Variants in CCND3 observed in about 807,000 individuals in gnomAD.
CCND3 encodes G1/S-specific cyclin-D3.
Under a neutral mutation model 28.7 loss-of-function variants are expected in CCND3, and 9 were observed. The observed-to-expected ratio is 0.31, with a 90% CI of 0.19 to 0.55. The LOEUF is 0.55. CCND3 is among the 20% of genes least tolerant of loss of function. The pLI is 0.93. For synonymous variants in CCND3, 164 were observed against 163.9 expected (o/e 1.00, Z 0.00); for missense variants, 315 against 385.8 (o/e 0.82, Z 1.54).
intron 1 of CCND3, among the ~76,000 whole-genome samples, chr6:41,988,029 A>C (rs1762537211): frequency 6.6e-6 from 1 of 151,878 alleles, no homozygotes; most frequent in Non-Finnish European, 1.5e-5. Context: ...AAAATAATTA[A>C]AACAGACCAG....
intron 1 of CCND3, among the ~76,000 whole-genome samples, chr6:42,028,968 A>C (rs1582180686): frequency 1.6e-5 from 2 of 126,732 alleles, no homozygotes; most frequent in African/African-American, 3.2e-5. Flanking sequence ...CCACCTTGAA[A>C]CGGTTTTTTT....
At chr6:41,943,864 T>A (rs1430891192), upstream of CCND3, among the ~76,000 whole-genome samples, 1 of 152,232 alleles carries the variant, frequency 6.6e-6, no homozygotes, top group Non-Finnish European at 1.5e-5. Context: ...CCCATTCATG[T>A]CCTTAGCTTA....
chr6:41,987,042 C>G (rs1227249933), intron 1 of CCND3, among the ~76,000 whole-genome samples: 1 of 152,040 alleles, frequency 6.6e-6, no homozygotes, highest in Non-Finnish European at 1.5e-5. Context: ...CATTACTATT[C>G]TGTGTAAATT....
rs192847114 is a variant in CCND3 at position 42,019,504 on chromosome 6, A to G, written c.-46+28997T>C. On this transcript the variant is annotated intron_variant, in intron 1 of 4. Coordinates refer to the CCND3 transcript ENST00000372988. ...ACTCTGTCTCAAAAAAAAAAAAAAA[A>G]AAAAGGAAAGGAAATATAACACCAG... is the stretch of plus-strand genomic sequence containing the variant. Among the ~76,000 whole-genome samples the G allele has an allele frequency of 7.7e-3, 1,164 of 151,152 alleles. 31 individuals are homozygous for G. The highest frequency in any genetic ancestry group is 0.054 in the Admixed American group (804 of 14,884).
intron 1 of CCND3, among the ~76,000 whole-genome samples, chr6:41,949,588 G>A (rs1364526028): frequency 4.6e-5 from 7 of 151,638 alleles, no homozygotes; most frequent in East Asian, 3.9e-4. Flanking sequence ...GCGAGACTCC[G>A]TCTCAAAACA....
chr6:41,989,212 A>G (rs1762581482), intron 1 of CCND3, among the ~76,000 whole-genome samples: 1 of 152,168 alleles, frequency 6.6e-6, no homozygotes, highest in African/African-American at 2.4e-5. Context: ...TAATCCCAAG[A>G]CTTTGGGAGG....
intron 1 of CCND3, among the ~76,000 whole-genome samples, chr6:42,031,792 A>G (rs1764051165): frequency 6.7e-6 from 1 of 149,790 alleles, no homozygotes; most frequent in Non-Finnish European, 1.5e-5. Context: ...TCATGTTACC[A>G]CATATATTTT....
intron 1 of CCND3, among the ~76,000 whole-genome samples, chr6:41,981,153 G>C (rs1762335295): frequency 1.3e-5 from 2 of 151,998 alleles, no homozygotes; most frequent in South Asian, 4.2e-4. Flanking sequence ...AATCCTTCTG[G>C]GACTAATAAG....
At chr6:42,019,491 A>AT (rs1443349492) in intron 1 of CCND3, among the ~76,000 whole-genome samples, 1 of 149,312 alleles carries the variant, frequency 6.7e-6, no homozygotes, top group African/African-American at 2.4e-5. Context: ...TCTGTCTCAA[A>AT]AAAAAAAAAA....
chr6:42,042,636 A>G (rs538274039), intron 1 of CCND3, among the ~76,000 whole-genome samples: 2 of 152,124 alleles, frequency 1.3e-5, no homozygotes, highest in Non-Finnish European at 2.9e-5. Context: ...CTGGGATTAC[A>G]TGAATGAGCA....
intron 1 of CCND3, among the ~76,000 whole-genome samples, chr6:42,007,878 G>A (rs1404891890): frequency 6.6e-6 from 1 of 152,064 alleles, no homozygotes; most frequent in Non-Finnish European, 1.5e-5. Context: ...TGTTGAAGAA[G>A]TGGAGACAGC....
rs373342748 is a variant in CCND3, at chr6:42,029,828, ACT to A, written c.-46+18671_-46+18672del. On this transcript the variant is annotated intron_variant, in intron 1 of 4. Transcript: ENST00000372988. ...CTCCAGCCTGGGCGACAAGAGTGAA[ACT>A]CTGTCTCAAAAAAAAAAAAAAAAAA... Among the ~76,000 whole-genome samples, 4 of 133,046 alleles carry A rather than the reference ACT, an allele frequency of 3.0e-5. No individual in the cohort carries two copies. In the South Asian group the frequency reaches 9.7e-4, roughly 32 times the overall value. The allele number at this position is 133,046 out of a possible 152,430, so 87.3% of individuals were successfully genotyped here. A position where few individuals can be genotyped will look rare whatever the true frequency, so the allele number is the denominator to read the frequency against.
chr6:41,999,632 C>T (rs1219397917), intron 1 of CCND3, among the ~76,000 whole-genome samples: 1 of 152,116 alleles, frequency 6.6e-6, no homozygotes, highest in African/African-American at 2.4e-5. Flanking sequence ...TCATGGCTCA[C>T]ACCTATAATC....
chr6:41,946,347 A>G (rs1417795146), upstream of CCND3, among the ~76,000 whole-genome samples: 1 of 152,008 alleles, frequency 6.6e-6, no homozygotes, highest in Non-Finnish European at 1.5e-5. Flanking sequence ...CTGTAATCCT[A>G]GCACGTTGGG....
Position 41,936,652 on chromosome 6 carries a change from G to T in CCND3, c.618C>A (p.Gly206=). Residue 206 remains glycine (G), a synonymous_variant, in exon 4 of 5, where the codon GGC becomes GGA. Coordinates refer to ENST00000372991, the MANE Select transcript of CCND3 (RefSeq NM_001760.5). This position sits in a 1 kb window ranked among gnomAD's most constrained non-coding sequence, Gnocchi z 4.4. ...GGCCTTGCACTGCAGCCCCAATGCT[G>T]CCCGTGGCGATCATGGATGGCGGGT... ...AMYPPSMIAT[G]SIGAAVQGLG... The T allele has an allele frequency of 1.9e-6, 3 of 1,614,156 alleles. No individual in the cohort carries two copies. The highest frequency in any genetic ancestry group is 2.5e-6 in the Non-Finnish European group (3 of 1,180,012).
At chr6:42,004,440 ACT>A (rs1421666850) in intron 1 of CCND3, among the ~76,000 whole-genome samples, 2 of 152,014 alleles carry the variant, frequency 1.3e-5, no homozygotes, top group African/African-American at 4.8e-5. Flanking sequence ...ATACAGAATA[ACT>A]CTATTTATGG....
Position 41,941,327 on chromosome 6 carries a change from G to T in CCND3, c.198+125C>A. ...CGTGGGTGCCCTAGTGAAAGGCCAG[G>T]CCCCGGGAGTCTTAGCCTCGGAGCA... On this transcript the variant is annotated intron_variant, in intron 1 of 4. Coordinates refer to ENST00000372991, the MANE Select transcript of CCND3 (RefSeq NM_001760.5). This position sits in a 1 kb window ranked among gnomAD's most constrained non-coding sequence, Gnocchi z 6.1. 1 of 1,491,702 alleles carries T rather than the reference G, an allele frequency of 6.7e-7. No individual in the cohort carries two copies. The highest frequency in any genetic ancestry group is 8.9e-7 in the Non-Finnish European group (1 of 1,123,562). 92.4% of individuals were successfully genotyped at this position (1,491,702 alleles called of 1,614,324 possible).
rs117497524 is a variant in CCND3, at chr6:42,025,940, G to A, written c.-46+22561C>T. ...AGCGGATGAGTGAATTAATGAGTGA[G>A]TGAATGAATGAGTCAGCACTGGACC... On this transcript the variant is annotated intron_variant, in intron 1 of 4. Coordinates refer to the CCND3 transcript ENST00000372988. 1.6e-3 allele frequency among the ~76,000 whole-genome samples: 246 copies of A among 152,288 alleles called. 5 individuals are homozygous for A. The East Asian group carries it at 0.018, about 11-fold the overall frequency.
chr6:41,961,063 A>T (rs1455339137), intron 1 of CCND3, among the ~76,000 whole-genome samples: 1 of 152,218 alleles, frequency 6.6e-6, no homozygotes, highest in African/African-American at 2.4e-5. Flanking sequence ...GGCTGAGCAG[A>T]AGCAACCCTC....
Sources: gnomAD v4.1 joint callset for allele counts (sites outside exome capture counted in the v4.1 genomes callset) on GRCh38, gnomAD v4.1.1 for gene constraint, Gnocchi (gnomAD v3.1) non-coding constraint, MANE v1.5 for transcripts, NCBI Gene and HGNC (gene_info 2026-07-23, HGNC 2026-07-21) for gene names.